Variants in MYRF observed in about 807,000 individuals in gnomAD.
MYRF encodes the protein myelin regulatory factor.
A neutral mutation model predicts 126.3 loss-of-function variants in MYRF; 16 were observed. The observed-to-expected ratio is 0.13, with a 90% confidence interval of 0.09 to 0.19. The LOEUF (loss-of-function observed/expected upper bound fraction) is 0.19, where lower values mean the gene tolerates loss of function less well. Ranked by LOEUF, MYRF falls within the 10% of genes least tolerant of loss-of-function variation. MYRF has a pLI of 1.00. For missense variants in MYRF, 1,104 were observed against 1,547.0 expected, an observed-to-expected ratio of 0.71 and a Z score of 4.80; for synonymous variants, 608 against 635.3, an observed-to-expected ratio of 0.96 and a Z score of 0.65.
chr11:61,780,021 A>G, intron 17 of MYRF, 91 bp downstream of exon 17: 1 of 1,303,226 alleles, frequency 7.7e-7, no homozygotes. Flanking sequence ...GCCTGGGGGA[A>G]GAGGAGGATG....
At chr11:61,752,840 C>A in intron 1 of MYRF, 50 bp downstream of exon 1, 1 of 1,456,280 alleles carries the variant, frequency 6.9e-7, no homozygotes, top group Non-Finnish European at 9.1e-7. Context: ...TGGGAACCCC[C>A]GGCTGATCTC....
At position 61,765,686 on chromosome 11, in the gene MYRF, C is replaced by T; in HGVS notation, c.108C>T (p.Tyr36=). ...SNIDTSILEE[Y]ISKEDASDLC... is the part of the protein sequence containing the mutation. ...TAGACACCAGCATCCTGGAGGAGTACATCAGCAAGGAGGATGCCTCCGACC... is the reference window on the plus strand; with the variant it reads ...TAGACACCAGCATCCTGGAGGAGTATATCAGCAAGGAGGATGCCTCCGACC... The change falls in exon 2 of 27, where the codon TAC becomes TAT. Residue 36 remains tyrosine, a synonymous_variant. Coordinates refer to ENST00000278836, the MANE Select transcript of MYRF (RefSeq NM_001127392.3). 6.2e-7 allele frequency: 1 copy of T among 1,612,890 alleles called. No individual in the cohort carries two copies. Among genetic ancestry groups the T allele is most frequent in the East Asian group, 2.2e-5 (1 of 44,860 alleles).
intron 1 of MYRF, among the ~76,000 whole-genome samples, chr11:61,756,491 G>A (rs1433394903): frequency 4.6e-5 from 7 of 152,112 alleles, no homozygotes; most frequent in African/African-American, 1.7e-4. Context: ...TCTGTCCCTG[G>A]TGCACCCAGG....
At chr11:61,770,587 A>T in intron 5 of MYRF, 62 bp downstream of exon 5, 169 of 1,240,682 alleles carry the variant, frequency 1.4e-4, no homozygotes, top group Non-Finnish European at 1.8e-4. Context: ...CAGGGTGGGC[A>T]GGGCGGCGGG....
Position 61,757,506 on chromosome 11 carries a change from C to T in MYRF, c.46+4716C>T, listed in dbSNP as rs2065792720. ...CGCCCTACCTTGAAGATTACTGGTC[C>T]CCAGGGTAGGTCAGTGCCCCTAAGC... On this transcript the variant is annotated intron_variant, in intron 1 of 26. Coordinates refer to ENST00000278836, the MANE Select transcript of MYRF (RefSeq NM_001127392.3). The surrounding 1 kb of genome is among the most constrained non-coding windows in gnomAD (Gnocchi z 4.7). The T allele has an allele frequency of 2.2e-6, 1 of 456,358 alleles. No individual in the cohort carries two copies. The highest frequency in any genetic ancestry group is 4.4e-6 in the Non-Finnish European group (1 of 226,888). The allele number at this position is 456,358 out of a possible 1,614,324, so 28.3% of individuals were successfully genotyped here. A position where few individuals can be genotyped will look rare whatever the true frequency, so the allele number is the denominator to read the frequency against.
At chr11:61,785,745 G>A (rs1424556233) in intron 25 of MYRF, 55 bp from the exon 26 acceptor site, 1 of 1,480,366 alleles carries the variant, frequency 6.8e-7, no homozygotes, top group African/African-American at 1.4e-5. Context: ...GGTGAGAGAT[G>A]CTGGTTGGGA....
chr11:61,762,887 G>A (rs768470473), intron 1 of MYRF, among the ~76,000 whole-genome samples: 12 of 152,166 alleles, frequency 7.9e-5, no homozygotes, highest in Middle Eastern at 3.4e-3. Flanking sequence ...CCGTCCGCCC[G>A]GACCCTGGCA....
At chr11:61,765,464 T>A (rs1055584098) in intron 1 of MYRF, among the ~76,000 whole-genome samples, 161 bp from the exon 2 acceptor site, 1 of 151,722 alleles carries the variant, frequency 6.6e-6, no homozygotes, top group African/African-American at 2.4e-5. Context: ...TGCCAGGCAG[T>A]GGAGGGTGAG....
At position 61,779,837 on chromosome 11, in the gene MYRF, C is replaced by T. The variant is rs745348302; in HGVS notation, c.2248-5C>T. 5.0e-6 allele frequency: 8 copies of T among 1,613,402 alleles called. No homozygotes were observed. The South Asian group carries it at 7.7e-5, about 16-fold the overall frequency. On this transcript the variant is annotated splice_polypyrimidine_tract_variant and splice_region_variant and intron_variant, in intron 16 of 26. Transcript: ENST00000278836. ...TGCATTTGCACTTTTCCTCTTGGTC[C>T]TCAGTCATCGTCCGTGGTTCCGGAC... is the stretch of plus-strand genomic sequence containing the variant.
Position 61,781,563 on chromosome 11 carries a change from C to T in MYRF, c.2765-10C>T. 1 of 1,611,816 alleles carries T rather than the reference C, an allele frequency of 6.2e-7. No homozygotes were observed. Among genetic ancestry groups the T allele is most frequent in the Non-Finnish European group, 8.5e-7 (1 of 1,179,152 alleles). On this transcript the variant is annotated splice_polypyrimidine_tract_variant and intron_variant, in intron 21 of 26. Transcript: ENST00000278836. ...CCAGCTTCTTAGCCTGTGCCTGGTT[C>T]TATCCACAGGCCCCAGCCAGATGGC...
chr11:61,783,735 C>A lies in MYRF; in HGVS notation c.3120-116C>A. On this transcript the variant is annotated intron_variant, in intron 23 of 26. Coordinates refer to ENST00000278836, the MANE Select transcript of MYRF (RefSeq NM_001127392.3). This position sits in a 1 kb window ranked among gnomAD's most constrained non-coding sequence, Gnocchi z 4.6. ...AAGGGTAGCCCCTTTCCAGGCTACC[C>A]TTGGACACTGTCTCTTCTGGAGGGC... 7.3e-7 allele frequency: 1 copy of A among 1,370,408 alleles called. No homozygotes were observed. Among genetic ancestry groups the A allele is most frequent in the South Asian group, 1.3e-5 (1 of 79,768 alleles). The allele number at this position is 1,370,408 out of a possible 1,614,324, so 84.9% of individuals were successfully genotyped here.
chr11:61,773,876 G>A lies in MYRF; in HGVS notation c.1116-91G>A, dbSNP rs1268478376. 4 of 1,112,992 alleles carry A rather than the reference G, an allele frequency of 3.6e-6. No homozygotes were observed. The East Asian group carries it at 7.5e-5, about 21-fold the overall frequency. 68.9% of individuals were successfully genotyped at this position (1,112,992 alleles called of 1,614,324 possible). A position where few individuals can be genotyped will look rare whatever the true frequency, so the allele number is the denominator to read the frequency against. On this transcript the variant is annotated intron_variant, in intron 7 of 26. Coordinates refer to ENST00000278836, the MANE Select transcript of MYRF (RefSeq NM_001127392.3). ...TTGAGGATGCAGGGGTGTGGTGTGG[G>A]AAATGGTTTTGGAACCCAGCAGGTA...
In MYRF at chr11:61,769,323, T is replaced by C. The variant is rs1164418561; in HGVS notation, c.460+2T>C. On this transcript the variant is annotated splice_donor_variant, in intron 4 of 26. Transcript: ENST00000278836. LOFTEE classifies it high-confidence loss of function. The stretch of plus-strand genomic sequence containing the variant: ...CCTACTCCCCCCAGCAGGTGAATGG[T>C]GAGTCCAGCGGGCACCGCCCTCCTG... 1 of 1,607,914 alleles carries C rather than the reference T, an allele frequency of 6.2e-7. No individual in the cohort carries two copies. The highest frequency in any genetic ancestry group is 1.7e-5 in the Admixed American group (1 of 59,564).
At chr11:61,752,911 C>A in intron 1 of MYRF, 121 bp downstream of exon 1, 1 of 967,192 alleles carries the variant, frequency 1.0e-6, no homozygotes, top group Non-Finnish European at 1.4e-6. Flanking sequence ...CTCCTTCAGG[C>A]TGGCACCAGC....
intron 1 of MYRF, among the ~76,000 whole-genome samples, chr11:61,754,885 C>G (rs555324198): frequency 1.1e-3 from 167 of 152,314 alleles, no homozygotes; most frequent in Admixed American, 3.5e-3. Context: ...AGGGGAAGGC[C>G]CATGTGGGGG....
At position 61,763,229 on chromosome 11, in the gene MYRF, G is replaced by A. The variant is rs116356313; in HGVS notation, c.47-2396G>A. ...TGGAGTCAGACCCCTGCACCTGGTTGGAATCCTCCTTGCCATGTTGCCTTG... is the reference window on the plus strand; with the variant it reads ...TGGAGTCAGACCCCTGCACCTGGTTAGAATCCTCCTTGCCATGTTGCCTTG... On this transcript the variant is annotated intron_variant, in intron 1 of 26. Transcript: ENST00000278836. Among the ~76,000 whole-genome samples the A allele has an allele frequency of 9.6e-3, 1,459 of 152,338 alleles. 29 individuals are homozygous for A. The highest frequency in any genetic ancestry group is 0.032 in the African/African-American group (1,332 of 41,578).
In MYRF at chr11:61,778,855, G is replaced by T. The variant is rs1479108068; in HGVS notation, c.2013+366G>T. On this transcript the variant is annotated intron_variant, in intron 14 of 26. Coordinates refer to ENST00000278836, the MANE Select transcript of MYRF (RefSeq NM_001127392.3). This position sits in a 1 kb window ranked among gnomAD's most constrained non-coding sequence, Gnocchi z 4.6. The stretch of plus-strand genomic sequence containing the variant: ...TGAGGACGACGTTTGTCACTTACCT[G>T]TCCTGAGTCTGGGCGCCAAGGAGGC... 1.8e-6 allele frequency: 1 copy of T among 547,610 alleles called. No individual in the cohort carries two copies. Among genetic ancestry groups the T allele is most frequent in the South Asian group, 1.5e-5 (1 of 65,422 alleles). The allele number at this position is 547,610 out of a possible 1,614,324, so 33.9% of individuals were successfully genotyped here.
At chr11:61,784,015 C>T in intron 24 of MYRF, 90 bp downstream of exon 24, 25 of 1,419,968 alleles carry the variant, frequency 1.8e-5, no homozygotes, top group Middle Eastern at 1.8e-4. Flanking sequence ...TGAGGACAGC[C>T]GGAGAGTCTC....
chr11:61,769,054 G>A (rs1429715571), intron 3 of MYRF, among the ~76,000 whole-genome samples: 2 of 152,150 alleles, frequency 1.3e-5, no homozygotes, highest in Admixed American at 6.5e-5. Flanking sequence ...ATCCTGGGCG[G>A]TCCCCTACCC....
Sources: allele counts gnomAD v4.1 joint callset (sites outside exome capture counted in the v4.1 genomes callset), GRCh38; gene constraint gnomAD v4.1.1; non-coding constraint Gnocchi (gnomAD v3.1); transcripts MANE v1.5; gene names NCBI Gene and HGNC (gene_info 2026-07-23, HGNC 2026-07-21).